TEX11: variants seen among roughly 807,000 people sequenced by gnomAD.
TEX11 encodes testis-expressed protein 11.
Under a neutral mutation model 84.4 loss-of-function variants are expected in TEX11, and 7 were observed. The ratio of observed to expected loss-of-function variants is 0.08; its 90% CI spans 0.05 to 0.16. TEX11 has a LOEUF of 0.16. TEX11 is among the 10% of genes least tolerant of loss of function. The pLI is 1.00. For missense variants in TEX11, 551 were observed against 660.5 expected (o/e 0.83, Z 1.82); for synonymous variants, 264 against 222.8 (o/e 1.18, Z -1.64).
At chrX:70,649,496 G>A (rs1344860510) in intron 17 of TEX11, among the ~76,000 whole-genome samples, 1 of 112,399 alleles carries the variant, frequency 8.9e-6, no homozygotes. Flanking sequence ...TGGTTCACAG[G>A]TGAAATTGTA....
intron 25 of TEX11, among the ~76,000 whole-genome samples, 154 bp from the exon 26 acceptor site, chrX:70,554,954 A>G (rs758665231): frequency 6.2e-5 from 7 of 112,018 alleles, no homozygotes; most frequent in Non-Finnish European, 1.1e-4. Flanking sequence ...CAGATTCTAA[A>G]TTTTATTTTT....
At chrX:70,882,019 C>T (rs1156269797) in intron 2 of TEX11, among the ~76,000 whole-genome samples, 1 of 86,537 alleles carries the variant, frequency 1.2e-5, no homozygotes, top group African/African-American at 4.6e-5. Context: ...CAGAACAAGA[C>T]TCCATCTCAA....
At chrX:70,707,490 T>C (rs1200159734) in intron 13 of TEX11, among the ~76,000 whole-genome samples, 1 of 110,653 alleles carries the variant, frequency 9.0e-6, no homozygotes, top group East Asian at 2.8e-4. Context: ...ATCTTATCCA[T>C]TTCTAAGACC....
At chrX:70,809,240 C>T (rs762273492) in intron 8 of TEX11, among the ~76,000 whole-genome samples, 7 of 111,718 alleles carry the variant, frequency 6.3e-5, no homozygotes, top group African/African-American at 1.9e-4. Context: ...GAAACAATAC[C>T]AAGTACATGA....
intron 9 of TEX11, among the ~76,000 whole-genome samples, chrX:70,765,012 T>C (rs935127498): frequency 4.5e-5 from 5 of 111,237 alleles, no homozygotes; most frequent in Non-Finnish European, 9.4e-5. Context: ...TAAAGATGCA[T>C]CAAAAAAAGA....
chrX:70,827,092 G>A, intron 8 of TEX11, among the ~76,000 whole-genome samples: 1 of 111,447 alleles, frequency 9.0e-6, no homozygotes, highest in Non-Finnish European at 1.9e-5. Context: ...CAGTAGGACA[G>A]GGCACTGGGC....
intron 8 of TEX11, among the ~76,000 whole-genome samples, chrX:70,821,225 G>C (rs1337921640): frequency 8.9e-6 from 1 of 111,999 alleles, no homozygotes; most frequent in African/African-American, 3.2e-5. Context: ...CAAATGATCT[G>C]AATAGACCAT....
At chrX:70,773,319 A>AT (rs760439548) in intron 9 of TEX11, among the ~76,000 whole-genome samples, 1 of 111,807 alleles carries the variant, frequency 8.9e-6, no homozygotes, top group Non-Finnish European at 1.9e-5. Flanking sequence ...AAGACTATCC[A>AT]TAAGACTATC....
intron 16 of TEX11, among the ~76,000 whole-genome samples, chrX:70,659,145 T>C (rs1430168446): frequency 8.9e-6 from 1 of 111,967 alleles, no homozygotes; most frequent in Non-Finnish European, 1.9e-5. Flanking sequence ...GACATCGGAT[T>C]TGCAAATGAC....
intron 15 of TEX11, among the ~76,000 whole-genome samples, chrX:70,675,884 C>T (rs1400997555): frequency 8.9e-6 from 1 of 111,779 alleles, no homozygotes; most frequent in African/African-American, 3.3e-5. Flanking sequence ...CCCGCCTTGG[C>T]CTCCCAAAGT....
At chrX:70,898,921 C>A (rs2091788360) in intron 2 of TEX11, among the ~76,000 whole-genome samples, 1 of 111,817 alleles carries the variant, frequency 8.9e-6, no homozygotes, top group Admixed American at 9.5e-5. Flanking sequence ...TGTACTATTC[C>A]CCCTAATAGG....
intron 13 of TEX11, among the ~76,000 whole-genome samples, chrX:70,710,544 ATTTT>A (rs79913206): frequency 3.0e-5 from 3 of 98,374 alleles, no homozygotes; most frequent in Non-Finnish European, 6.2e-5. Flanking sequence ...AAAAGTTCTC[ATTTT>A]TTTTTTTTTT....
intron 9 of TEX11, among the ~76,000 whole-genome samples, chrX:70,800,219 C>T (rs2091178953): frequency 9.1e-6 from 1 of 110,316 alleles, no homozygotes; most frequent in South Asian, 3.9e-4. Flanking sequence ...AAGAAGAGAA[C>T]AATAGATACT....
Position 70,646,614 on chromosome X carries a change from G to A in TEX11, c.1483+4836C>T, listed in dbSNP as rs1434451275. On this transcript the variant is annotated intron_variant, in intron 17 of 29. Transcript: ENST00000374333. ...AAGGAGATGAGCAAGTGGTCCACAA[G>A]TATATGAAAAAATGTCTAACATCAC... Among the ~76,000 whole-genome samples the A allele has an allele frequency of 2.7e-5, 3 of 112,201 alleles. No homozygotes were observed. In the East Asian group the frequency reaches 8.3e-4, roughly 31 times the overall value.
At chrX:70,586,051 AAAAC>A (rs949236594) in intron 25 of TEX11, among the ~76,000 whole-genome samples, 14 of 112,816 alleles carry the variant, frequency 1.2e-4, no homozygotes, top group Non-Finnish European at 1.9e-4. Context: ...ACTCCGTCTC[AAAAC>A]AAACAAACAA....
At chrX:70,773,144 A>C (rs1163147631) in intron 9 of TEX11, among the ~76,000 whole-genome samples, 1 of 111,427 alleles carries the variant, frequency 9.0e-6, no homozygotes, top group Non-Finnish European at 1.9e-5. Flanking sequence ...AATCTGGACA[A>C]CAAAGAGAAC....
At chrX:70,679,332 C>T (rs1438273532) in intron 14 of TEX11, among the ~76,000 whole-genome samples, 4 of 110,317 alleles carry the variant, frequency 3.6e-5, no homozygotes, top group South Asian at 3.9e-4. Context: ...CCCAAAGTGC[C>T]GAGATTGCAG....
chrX:70,743,254 T>C (rs1363844251), intron 10 of TEX11, among the ~76,000 whole-genome samples: 1 of 112,282 alleles, frequency 8.9e-6, no homozygotes, highest in African/African-American at 3.2e-5. Context: ...TATTTCATTG[T>C]AGTCACTTGT....
In TEX11 at chrX:70,664,853, CA is replaced by C. The variant is rs373605325; in HGVS notation, c.1380+5523del. Among the ~76,000 whole-genome samples, 250 of 54,117 alleles carry C rather than the reference CA, an allele frequency of 4.6e-3. 1 individual carries two copies. The highest frequency in any genetic ancestry group is 0.016 in the Middle Eastern group (1 of 63). The allele number at this position is 54,117 out of a possible 115,157, so 47.0% of individuals were successfully genotyped here. On this transcript the variant is annotated intron_variant, in intron 16 of 29. Transcript: ENST00000374333. ...GAAAGGTACATCTACCTAAGAATTA[CA>C]AAAAAAAAAAAAAAAACCCTCAGAA...
Sources: gnomAD v4.1 joint callset for allele counts (sites outside exome capture counted in the v4.1 genomes callset) on GRCh38, gnomAD v4.1.1 for gene constraint, MANE v1.5 for transcripts, NCBI Gene and HGNC (gene_info 2026-07-23, HGNC 2026-07-21) for gene names.